SERPINB6: variants seen among roughly 807,000 people sequenced by gnomAD.
SERPINB6 encodes the protein serpin B6.
In SERPINB6, 16 loss-of-function variants were observed where a neutral mutation model predicts 26.1. That is an observed-to-expected ratio of 0.61 (90% CI 0.42 to 0.93). The LOEUF (loss-of-function observed/expected upper bound fraction) is 0.93. SERPINB6 is among the 40% of genes least tolerant of loss of function. SERPINB6 has a pLI of 0.00. For synonymous variants in SERPINB6, 174 were observed against 176.6 expected (o/e 0.99, Z 0.11); for missense variants, 420 against 478.0 (o/e 0.88, Z 1.13).
At chr6:2,959,677 C>A in intron 1 of SERPINB6, 1 of 379,086 alleles carries the variant, frequency 2.6e-6, no homozygotes, top group Non-Finnish European at 5.0e-6. Flanking sequence ...CTGGCTTTTG[C>A]TTCTATGTTT....
intron 4 of SERPINB6, 53 bp from the exon 5 acceptor site, chr6:2,953,239 A>AT: frequency 6.2e-7 from 1 of 1,612,568 alleles, no homozygotes; most frequent in Non-Finnish European, 8.5e-7. Context: ...CGGATCCCCG[A>AT]CACATCAGGA....
chr6:2,948,724 T>A lies in SERPINB6; in HGVS notation c.730-25A>T, dbSNP rs760990756. On this transcript the variant is annotated intron_variant, in intron 6 of 6. Transcript: ENST00000380539. This position sits in a 1 kb window ranked among gnomAD's most constrained non-coding sequence, Gnocchi z 5.0. ...CCTAGAGGGAGACAGTTGAAGACTTTAAGACCCAGGGTGCTGCTGCCCAGC... is the reference window on the plus strand; with the variant it reads ...CCTAGAGGGAGACAGTTGAAGACTTAAAGACCCAGGGTGCTGCTGCCCAGC... 6.2e-7 allele frequency: 1 copy of A among 1,612,248 alleles called. No individual in the cohort carries two copies. The highest frequency in any genetic ancestry group is 1.3e-5 in the African/African-American group (1 of 75,024).
In SERPINB6 at chr6:2,966,411, G is replaced by A. The variant is rs577721307; in HGVS notation, c.-11+5122C>T. ...CCAAACACACTTACTTTATATGCAG[G>A]AGTCCCCAGCAGATCCGTCTGTGGT... On this transcript the variant is annotated intron_variant, in intron 1 of 6. Transcript: ENST00000380539. 2.1e-5 allele frequency: 21 copies of A among 986,884 alleles called. No individual in the cohort carries two copies. The South Asian group carries it at 8.4e-4, about 40-fold the overall frequency. 61.1% of individuals were successfully genotyped at this position (986,884 alleles called of 1,614,324 possible).
At chr6:2,952,441 A>C (rs1178207919) in intron 5 of SERPINB6, among the ~76,000 whole-genome samples, 3 of 152,270 alleles carry the variant, frequency 2.0e-5, no homozygotes, top group Non-Finnish European at 2.9e-5. Context: ...GAGGAAGATA[A>C]AGGGCCATCA....
Position 2,953,206 on chromosome 6 carries a change from A to G in SERPINB6, c.431-20T>C, listed in dbSNP as rs1398946480. On this transcript the variant is annotated intron_variant, in intron 4 of 6. Transcript: ENST00000380539. The stretch of plus-strand genomic sequence containing the variant: ...TTTTACCTGAGCGGAAGAATTCAAG[A>G]CCGCATTAGATAGGGGCGGCTGCGG... The G allele has an allele frequency of 6.2e-7, 1 of 1,614,058 alleles. No homozygotes were observed. Among genetic ancestry groups the G allele is most frequent in the Non-Finnish European group, 8.5e-7 (1 of 1,180,004 alleles).
intron 1 of SERPINB6, chr6:2,960,908 G>C (rs6924585): frequency 0.25 from 37,487 of 152,198 alleles, 4,973 homozygotes; most frequent in Non-Finnish European, 0.3. Context: ...AAGAGGGAGG[G>C]AGGGGGAGAT....
At chr6:2,970,312 C>T (rs2113369967) in intron 1 of SERPINB6, 1 of 986,942 alleles carries the variant, frequency 1.0e-6, no homozygotes, top group Non-Finnish European at 1.2e-6. Flanking sequence ...ACTTAAAATA[C>T]TTAGTTTACA....
At chr6:2,958,711 G>A (rs1284634442) in intron 2 of SERPINB6, among the ~76,000 whole-genome samples, 2 of 152,138 alleles carry the variant, frequency 1.3e-5, no homozygotes, top group Non-Finnish European at 2.9e-5. Flanking sequence ...AAGCTGCTAA[G>A]CTGGGAGAGC....
rs940906366 is a variant in SERPINB6 at position 2,948,179 on chromosome 6, T to C, written c.*119A>G. 3.6e-6 allele frequency: 4 copies of C among 1,118,456 alleles called. No individual in the cohort carries two copies. The highest frequency in any genetic ancestry group is 5.4e-6 in the Non-Finnish European group (4 of 737,412). 69.3% of individuals were successfully genotyped at this position (1,118,456 alleles called of 1,614,324 possible). Reference sequence around the variant, plus strand: ...CGGAGTGAATGCGGCATCCCACAAATGGGCCCTTTATTTCTGAACTGCCAC... The same window carrying C: ...CGGAGTGAATGCGGCATCCCACAAACGGGCCCTTTATTTCTGAACTGCCAC... On this transcript the variant is annotated 3_prime_UTR_variant, in exon 7 of 7. Transcript: ENST00000380539. The surrounding 1 kb of genome is among the most constrained non-coding windows in gnomAD (Gnocchi z 5.0).
In SERPINB6 at chr6:2,959,496, A is replaced by G. The variant is rs573949068; in HGVS notation, c.-10-154T>C. Reference sequence around the variant, plus strand: ...GCTGTTTCTTTTTAGGACCCTCCACATTATTTTGTGTGTTTCTAATGTTAA... The same window carrying G: ...GCTGTTTCTTTTTAGGACCCTCCACGTTATTTTGTGTGTTTCTAATGTTAA... On this transcript the variant is annotated intron_variant, in intron 1 of 6. Transcript: ENST00000380539. 39 of 747,412 alleles carry G rather than the reference A, an allele frequency of 5.2e-5. No individual in the cohort carries two copies. The African/African-American group carries it at 6.6e-4, about 13-fold the overall frequency. 46.3% of individuals were successfully genotyped at this position (747,412 alleles called of 1,614,324 possible).
At chr6:2,951,443 T>TA (rs1365740283) in intron 5 of SERPINB6, among the ~76,000 whole-genome samples, 44 of 150,302 alleles carry the variant, frequency 2.9e-4, no homozygotes, top group African/African-American at 1.0e-3. Context: ...AGTAAACCTT[T>TA]AAAAAAAATT....
At chr6:2,964,615 T>C (rs1190822618) in intron 1 of SERPINB6, among the ~76,000 whole-genome samples, 1 of 152,194 alleles carries the variant, frequency 6.6e-6, no homozygotes, top group East Asian at 1.9e-4. Flanking sequence ...TGGTTAACTC[T>C]TCTTTTTATG....
At chr6:2,970,998 C>A in intron 1 of SERPINB6, 1 of 1,220,084 alleles carries the variant, frequency 8.2e-7, no homozygotes, top group East Asian at 3.2e-5. Flanking sequence ...CCGAACCCCT[C>A]GGCCTCTCTC....
At chr6:2,953,303 T>C in intron 4 of SERPINB6, 117 bp from the exon 5 acceptor site, 2 of 1,372,176 alleles carry the variant, frequency 1.5e-6, no homozygotes, top group Non-Finnish European at 1.0e-6. Context: ...AGAGTTCCAC[T>C]GTCCCCCAAA....
intron 1 of SERPINB6, among the ~76,000 whole-genome samples, chr6:2,961,638 A>T (rs1248496858): frequency 3.9e-4 from 60 of 152,208 alleles, no homozygotes; most frequent in Admixed American, 3.9e-3. Flanking sequence ...CTCAGGACTC[A>T]AAGCCAGCAG....
chr6:2,953,065 C>G lies in SERPINB6; in HGVS notation c.552G>C (p.Glu184Asp). 6.2e-7 allele frequency: 1 copy of G among 1,614,264 alleles called. No homozygotes were observed. Among genetic ancestry groups the G allele is most frequent in the Non-Finnish European group, 8.5e-7 (1 of 1,180,054 alleles). Residue 184 changes from glutamate (E) to aspartate (D), a missense_variant, in exon 5 of 7, where the codon GAG becomes GAC. Glu to Asp is a conservative substitution (Grantham distance 45, BLOSUM62 2). Transcript: ENST00000380539. ...DEQFDKENTE[E>D]RLFKVSKNEE... ...TCGCCTTGCTGACTTTAAACAGTCT[C>G]TCCTCGGTGTTCTCCTTGTCAAACT... is the stretch of plus-strand genomic sequence containing the variant.
intron 5 of SERPINB6, among the ~76,000 whole-genome samples, chr6:2,951,461 G>A (rs188105049): frequency 6.6e-6 from 1 of 151,994 alleles, no homozygotes; most frequent in East Asian, 1.9e-4. Flanking sequence ...ATTAGGTGGT[G>A]GGCTGGCTTT....
chr6:2,963,769 A>C (rs556350529), intron 1 of SERPINB6: 1 of 152,320 alleles, frequency 6.6e-6, no homozygotes, highest in South Asian at 2.1e-4. Context: ...TACCCAAGGG[A>C]GTTAAGCCTG....
chr6:2,971,471 C>A (rs1026606355), intron 1 of SERPINB6, 62 bp downstream of exon 1: 6 of 152,398 alleles, frequency 3.9e-5, no homozygotes, highest in Non-Finnish European at 7.3e-5. Flanking sequence ...CCCGGCTTTC[C>A]CGACTTTGGA....
Sources: allele counts gnomAD v4.1 joint callset (sites outside exome capture counted in the v4.1 genomes callset), GRCh38; gene constraint gnomAD v4.1.1; non-coding constraint Gnocchi (gnomAD v3.1); transcripts MANE v1.5; gene names NCBI Gene and HGNC (gene_info 2026-07-23, HGNC 2026-07-21).